Variants in SPRED2 observed in about 807,000 individuals in gnomAD.
SPRED2 encodes sprouty-related, EVH1 domain-containing protein 2.
A neutral mutation model predicts 43.0 loss-of-function variants in SPRED2; 47 were observed. That is an observed-to-expected ratio of 1.09 (90% confidence interval 0.87 to 1.40). The LOEUF (loss-of-function observed/expected upper bound fraction) is 1.40, where lower values mean the gene tolerates loss of function less well. Among genes scored for constraint, SPRED2 ranks in the 40% most tolerant of loss-of-function variants. The pLI is 0.00. For synonymous variants in SPRED2, 225 were observed against 225.7 expected, an observed-to-expected ratio of 1.00 and a Z score of 0.03; for missense variants, 561 against 586.4, an observed-to-expected ratio of 0.96 and a Z score of 0.45.
chr2:65,356,643 A>G (rs1674661191), intron 1 of SPRED2, among the ~76,000 whole-genome samples: 1 of 149,532 alleles, frequency 6.7e-6, no homozygotes, highest in Admixed American at 6.8e-5. Context: ...CTACCAAACT[A>G]TGTTAATACC....
At chr2:65,424,268 T>C (rs1170995816) in intron 1 of SPRED2, among the ~76,000 whole-genome samples, 2 of 152,074 alleles carry the variant, frequency 1.3e-5, no homozygotes, top group East Asian at 3.9e-4. Flanking sequence ...CTTTAGTAGT[T>C]TTGAAAAAGC....
intron 1 of SPRED2, chr2:65,377,523 T>C (rs1675270311): frequency 2.1e-6 from 1 of 467,036 alleles, no homozygotes; most frequent in African/African-American, 2.0e-5. Flanking sequence ...TAAGAAATTC[T>C]AACAGTGTTC....
intron 1 of SPRED2, among the ~76,000 whole-genome samples, chr2:65,430,681 G>C (rs1335788707): frequency 2.0e-5 from 3 of 152,122 alleles, no homozygotes; most frequent in Non-Finnish European, 4.4e-5. Flanking sequence ...AGACGCGCGC[G>C]GGGCCTCCCT....
chr2:65,407,647 G>T (rs1254545498), intron 1 of SPRED2, among the ~76,000 whole-genome samples: 1 of 152,112 alleles, frequency 6.6e-6, no homozygotes, highest in Non-Finnish European at 1.5e-5. Context: ...GTCTGGTTTG[G>T]TTAAACCAAA....
chr2:65,318,880 TC>T (rs2104132293), intron 4 of SPRED2, among the ~76,000 whole-genome samples: 1 of 152,258 alleles, frequency 6.6e-6, no homozygotes, highest in Admixed American at 6.5e-5. Flanking sequence ...ACTCCTGGGC[TC>T]AAGTGATCCT....
At chr2:65,375,890 G>T (rs1164108712) in intron 1 of SPRED2, among the ~76,000 whole-genome samples, 2 of 152,194 alleles carry the variant, frequency 1.3e-5, no homozygotes, top group African/African-American at 4.8e-5. Context: ...AATGTGTGGA[G>T]TGTGAAGAGC....
At chr2:65,338,947 G>A (rs1674077713) in intron 2 of SPRED2, among the ~76,000 whole-genome samples, 4 of 151,968 alleles carry the variant, frequency 2.6e-5, no homozygotes, top group Admixed American at 2.6e-4. Flanking sequence ...CCTCTGCCCC[G>A]CCGCCCCGTC....
At position 65,317,030 on chromosome 2, in the gene SPRED2, C is replaced by G. The variant is rs927673425; in HGVS notation, c.439-147G>C. On this transcript the variant is annotated intron_variant, in intron 4 of 5. Transcript: ENST00000356388. ...TCCCAAAATCTTGAGTTTGTCTTGG[C>G]TACAACAGGAGGACCCCTGAATGGC... 7.1e-6 allele frequency: 6 copies of G among 849,974 alleles called. No individual in the cohort carries two copies. The African/African-American group carries it at 1.0e-4, about 14-fold the overall frequency. The allele number at this position is 849,974 out of a possible 1,614,324, so 52.7% of individuals were successfully genotyped here.
rs1016576123 is a variant in SPRED2, at chr2:65,432,060, C to A, written c.-73G>T. The A allele has an allele frequency of 2.6e-5, 42 of 1,592,152 alleles. No homozygotes were observed. Among genetic ancestry groups the A allele is most frequent in the South Asian group, 2.0e-4 (18 of 90,280 alleles). On this transcript the variant is annotated 5_prime_UTR_variant, in exon 1 of 6. Transcript: ENST00000356388. ...CTTCATCTTCCTGTCCGCTCGCCCCCCTTCTTCACATCTCCGGAGATCGCC... is the reference window on the plus strand; with the variant it reads ...CTTCATCTTCCTGTCCGCTCGCCCCACTTCTTCACATCTCCGGAGATCGCC...
chr2:65,317,209 T>C (rs1021334218), intron 4 of SPRED2, among the ~76,000 whole-genome samples: 1 of 152,100 alleles, frequency 6.6e-6, no homozygotes, highest in Non-Finnish European at 1.5e-5. Flanking sequence ...TGTGTTCTAG[T>C]TTGATCAAGA....
chr2:65,334,361 G>T, intron 3 of SPRED2: 1 of 603,720 alleles, frequency 1.7e-6, no homozygotes. Context: ...GAACCTGCCT[G>T]TTTTTTCACA....
At chr2:65,357,734 C>T (rs1175712530) in intron 1 of SPRED2, among the ~76,000 whole-genome samples, 1 of 152,132 alleles carries the variant, frequency 6.6e-6, no homozygotes, top group Non-Finnish European at 1.5e-5. Flanking sequence ...GAGGGTGATC[C>T]TACTCATCCT....
At chr2:65,355,354 G>A (rs992156508) in intron 1 of SPRED2, among the ~76,000 whole-genome samples, 3 of 152,212 alleles carry the variant, frequency 2.0e-5, no homozygotes, top group African/African-American at 4.8e-5. Flanking sequence ...TGTGTCAGAG[G>A]TAGTTCTGAG....
chr2:65,321,299 C>A (rs1393301426), intron 4 of SPRED2, among the ~76,000 whole-genome samples: 2 of 152,058 alleles, frequency 1.3e-5, no homozygotes, highest in Non-Finnish European at 2.9e-5. Context: ...GAGCACAGCC[C>A]TTGCCACCTG....
downstream of SPRED2, among the ~76,000 whole-genome samples, chr2:65,307,750 G>A (rs564245894): frequency 4.9e-4 from 74 of 152,308 alleles, 1 homozygote; most frequent in African/African-American, 1.5e-3. Flanking sequence ...GCCCTGATTT[G>A]CACAGTTACA....
chr2:65,339,283 G>T (rs989826693), intron 2 of SPRED2, among the ~76,000 whole-genome samples: 2 of 151,760 alleles, frequency 1.3e-5, no homozygotes, highest in African/African-American at 2.4e-5. Context: ...TGGAATGGAA[G>T]GGGGGGCAGG....
intron 1 of SPRED2, among the ~76,000 whole-genome samples, chr2:65,407,521 C>T (rs1475436826): frequency 6.6e-6 from 1 of 152,020 alleles, no homozygotes; most frequent in Non-Finnish European, 1.5e-5. Flanking sequence ...TGCAAACTTC[C>T]TCTCTGCAGG....
chr2:65,325,560 A>G (rs184257745), intron 4 of SPRED2, among the ~76,000 whole-genome samples: 41 of 152,132 alleles, frequency 2.7e-4, no homozygotes, highest in Non-Finnish European at 4.9e-4. Flanking sequence ...AGCCCTAACA[A>G]TTTCATGTGC....
chr2:65,419,256 G>A (rs1011020055), intron 1 of SPRED2, among the ~76,000 whole-genome samples: 27 of 152,190 alleles, frequency 1.8e-4, no homozygotes, highest in Non-Finnish European at 3.5e-4. Flanking sequence ...AGAGCTGGCA[G>A]ACAGAAGATT....
Sources: gnomAD v4.1 joint callset for allele counts (sites outside exome capture counted in the v4.1 genomes callset) on GRCh38, gnomAD v4.1.1 for gene constraint, MANE v1.5 for transcripts, NCBI Gene and HGNC (gene_info 2026-07-23, HGNC 2026-07-21) for gene names.